The following FAT3 variants were observed in gnomAD, a reference collection of about 807,000 sequenced individuals.
The protein encoded by FAT3 is FAT atypical cadherin 3.
In FAT3, 95 loss-of-function variants were observed where a neutral mutation model predicts 310.2. The ratio of observed to expected loss-of-function variants is 0.31; its 90% confidence interval spans 0.26 to 0.36. The LOEUF (loss-of-function observed/expected upper bound fraction) is 0.36, where lower values mean the gene tolerates loss of function less well. Ranked by LOEUF, FAT3 falls within the 10% of genes least tolerant of loss-of-function variation. The pLI is 1.00. For missense variants in FAT3, 5,408 were observed against 5,715.6 expected, an observed-to-expected ratio of 0.95 and a Z score of 1.74; for synonymous variants, 2,314 against 2,192.9, an observed-to-expected ratio of 1.06 and a Z score of -1.54.
Position 92,805,346 on chromosome 11 carries a change from T to C in FAT3, c.9090T>C (p.Asp3030=). 6.2e-7 allele frequency: 1 copy of C among 1,612,566 alleles called. No individual in the cohort carries two copies. Among genetic ancestry groups the C allele is most frequent in the South Asian group, 1.1e-5 (1 of 90,838 alleles). ...SDVNDNSPVC[D]QVAYTALLPE... Reference sequence around the variant, plus strand: ...TGAATGACAATAGCCCAGTGTGTGATCAGGTGAGATTTGGGGATAGGGTTC... The same window carrying C: ...TGAATGACAATAGCCCAGTGTGTGACCAGGTGAGATTTGGGGATAGGGTTC... Residue 3030 remains aspartate, a synonymous_variant, in exon 11 of 28, where the codon GAT becomes GAC. Transcript: ENST00000525166.
At chr11:92,301,824 G>C (rs865923276) in intron 1 of FAT3, among the ~76,000 whole-genome samples, 17 of 152,102 alleles carry the variant, frequency 1.1e-4, no homozygotes, top group African/African-American at 3.4e-4. Context: ...GCTGTTGTTT[G>C]TTGTTTGTTT....
intron 3 of FAT3, among the ~76,000 whole-genome samples, chr11:92,669,280 T>A (rs903059812): frequency 2.6e-5 from 4 of 152,204 alleles, no homozygotes; most frequent in African/African-American, 7.2e-5. Context: ...CTCCAAAGTT[T>A]TCTAGCTTTG....
intron 2 of FAT3, among the ~76,000 whole-genome samples, chr11:92,398,329 C>T (rs1295447903): frequency 2.6e-5 from 4 of 151,832 alleles, no homozygotes; most frequent in South Asian, 4.2e-4. Context: ...GGCAAAACTC[C>T]GTCTCTACTA....
rs552566086 is a variant in FAT3, at chr11:92,404,054, G to A, written c.3292+48650G>A. 1.4e-4 allele frequency among the ~76,000 whole-genome samples: 21 copies of A among 151,900 alleles called. No individual in the cohort carries two copies. In the South Asian group the frequency reaches 4.4e-3, roughly 32 times the overall value. ...CGTCAAGAAAAAAAAGGGAGAGAAA[G>A]AGAAAGAAAGGAGGGAGGGAGGGAA... On this transcript the variant is annotated intron_variant, in intron 2 of 27. Transcript: ENST00000525166.
At chr11:92,805,906 G>A (rs1947494868) in intron 11 of FAT3, among the ~76,000 whole-genome samples, 1 of 152,194 alleles carries the variant, frequency 6.6e-6, no homozygotes. Context: ...CAATATTGGT[G>A]TCCTATAGAT....
At chr11:92,637,453 C>G (rs888520691) in intron 3 of FAT3, among the ~76,000 whole-genome samples, 1 of 152,164 alleles carries the variant, frequency 6.6e-6, no homozygotes, top group African/African-American at 2.4e-5. Context: ...TAAACTGCCT[C>G]CAGCTTGTTG....
chr11:92,526,687 T>C (rs1953877741), intron 3 of FAT3, among the ~76,000 whole-genome samples: 1 of 152,188 alleles, frequency 6.6e-6, no homozygotes, highest in African/African-American at 2.4e-5. Flanking sequence ...TTTTAAAAGT[T>C]TGAACATAAT....
At chr11:92,366,309 T>G (rs1165506280) in intron 2 of FAT3, among the ~76,000 whole-genome samples, 11 of 152,142 alleles carry the variant, frequency 7.2e-5, no homozygotes, top group Admixed American at 7.2e-4. Context: ...CTGACTAGGT[T>G]GTAAAGAGAG....
intron 2 of FAT3, among the ~76,000 whole-genome samples, chr11:92,505,354 C>T (rs981205397): frequency 6.6e-6 from 1 of 152,266 alleles, no homozygotes; most frequent in East Asian, 1.9e-4. Flanking sequence ...TCCTGGACGA[C>T]TAGATATTAC....
At chr11:92,478,958 T>TTTCTTTCTTTTTCTTTCTTTCTTTCTTTC (rs762531307) in intron 2 of FAT3, among the ~76,000 whole-genome samples, 1 of 113,658 alleles carries the variant, frequency 8.8e-6, no homozygotes, top group Admixed American at 9.9e-5. Flanking sequence ...CTTTCTTTTC[T>TTTCTTTCTTTTTCTTTCTTTCTTTCTTTC]TTTCTTTTCT....
intron 22 of FAT3, among the ~76,000 whole-genome samples, chr11:92,878,791 A>C (rs1949602783): frequency 6.6e-6 from 1 of 151,772 alleles, no homozygotes. Context: ...TAAGAGAGAA[A>C]AAATAAAGTT....
intron 3 of FAT3, among the ~76,000 whole-genome samples, chr11:92,531,118 G>A (rs978707073): frequency 1.3e-5 from 2 of 152,218 alleles, no homozygotes; most frequent in African/African-American, 2.4e-5. Context: ...TGTAGCGAAT[G>A]AGTATGTGTG....
chr11:92,755,681 A>G (rs536414745), intron 4 of FAT3, among the ~76,000 whole-genome samples: 15 of 152,352 alleles, frequency 9.8e-5, no homozygotes, highest in African/African-American at 3.6e-4. Flanking sequence ...AACTAAAAAA[A>G]TTAGGTAGAG....
chr11:92,518,000 G>T (rs189510212), intron 2 of FAT3, among the ~76,000 whole-genome samples: 1 of 150,832 alleles, frequency 6.6e-6, no homozygotes, highest in Non-Finnish European at 1.5e-5. Context: ...TGGAGAAATA[G>T]GAGTGCTTTT....
chr11:92,853,122 C>A (rs575105969), intron 19 of FAT3, among the ~76,000 whole-genome samples: 6 of 152,206 alleles, frequency 3.9e-5, no homozygotes, highest in African/African-American at 1.2e-4. Context: ...GCGAGCCAGG[C>A]GTGGAGTAGT....
chr11:92,529,282 G>A (rs1235517940), intron 3 of FAT3, among the ~76,000 whole-genome samples: 1 of 152,100 alleles, frequency 6.6e-6, no homozygotes, highest in Admixed American at 6.5e-5. Flanking sequence ...TGAGTAACAG[G>A]GGATCTTTGC....
At chr11:92,628,056 C>T (rs574401496) in intron 3 of FAT3, among the ~76,000 whole-genome samples, 1 of 152,248 alleles carries the variant, frequency 6.6e-6, no homozygotes, top group African/African-American at 2.4e-5. Context: ...TAGTCTTCCT[C>T]ACTGGGTTGT....
At chr11:92,378,570 T>A (rs1949411892) in intron 2 of FAT3, among the ~76,000 whole-genome samples, 2 of 152,154 alleles carry the variant, frequency 1.3e-5, no homozygotes, top group South Asian at 4.1e-4. Context: ...ATTTTCACCA[T>A]CCTCTTAAAG....
chr11:92,592,318 CTT>C (rs753531647), intron 3 of FAT3, among the ~76,000 whole-genome samples: 80 of 108,254 alleles, frequency 7.4e-4, no homozygotes, highest in African/African-American at 2.7e-3. Context: ...TCCTAATTGT[CTT>C]TTTTTTTTTT....
Sources: gnomAD v4.1 joint callset for allele counts (sites outside exome capture counted in the v4.1 genomes callset) on GRCh38, gnomAD v4.1.1 for gene constraint, MANE v1.5 for transcripts, NCBI Gene and HGNC (gene_info 2026-07-23, HGNC 2026-07-21) for gene names.